TMEM117: variants seen among roughly 807,000 people sequenced by gnomAD.
TMEM117 encodes the protein transmembrane protein 117.
Under a neutral mutation model 52.4 loss-of-function variants are expected in TMEM117, and 27 were observed. The observed-to-expected ratio is 0.51, with a 90% CI of 0.38 to 0.71. The LOEUF (loss-of-function observed/expected upper bound fraction) is 0.71, where lower values mean the gene tolerates loss of function less well. Ranked by LOEUF, TMEM117 falls within the 30% of genes least tolerant of loss-of-function variation. The pLI, the probability that TMEM117 is intolerant of heterozygous loss-of-function variation, is 0.00. For synonymous variants in TMEM117, 215 were observed against 206.3 expected, an observed-to-expected ratio of 1.04 and a Z score of -0.36; for missense variants, 556 against 630.5, an observed-to-expected ratio of 0.88 and a Z score of 1.26.
In TMEM117 at chr12:44,216,906, A is replaced by G. The variant is rs142089440; in HGVS notation, c.608+5519A>G. 2.3e-3 allele frequency among the ~76,000 whole-genome samples: 356 copies of G among 152,186 alleles called. 12 individuals are homozygous for G. In the East Asian group the frequency reaches 0.035, roughly 15 times the overall value. ...TTAAAGTACTTTCTCTACCAGTGTAATGGTGTGGATGGGGTATCTCTTAAT... is the reference window on the plus strand; with the variant it reads ...TTAAAGTACTTTCTCTACCAGTGTAGTGGTGTGGATGGGGTATCTCTTAAT... On this transcript the variant is annotated intron_variant, in intron 5 of 7. Coordinates refer to ENST00000266534, the MANE Select transcript of TMEM117 (RefSeq NM_032256.3).
intron 2 of TMEM117, among the ~76,000 whole-genome samples, chr12:43,888,616 C>T (rs1433422932): frequency 7.2e-6 from 1 of 139,454 alleles, no homozygotes; most frequent in South Asian, 2.3e-4. Context: ...GGCATGATCT[C>T]GGCTCACTGC....
intron 2 of TMEM117, among the ~76,000 whole-genome samples, chr12:43,857,774 C>A (rs1943425717): frequency 1.3e-5 from 2 of 152,138 alleles, no homozygotes; most frequent in Admixed American, 1.3e-4. Flanking sequence ...CAACTAGAAT[C>A]ATTTCTTGAA....
At chr12:43,953,220 C>T (rs1202374966) in intron 3 of TMEM117, among the ~76,000 whole-genome samples, 1 of 152,050 alleles carries the variant, frequency 6.6e-6, no homozygotes, top group Non-Finnish European at 1.5e-5. Flanking sequence ...AGACCAATGA[C>T]ACTATGAAAC....
At position 43,912,507 on chromosome 12, in the gene TMEM117, T is replaced by TTTTATATATATATATATATATA. The variant is rs1209075111; in HGVS notation, c.278-31702_278-31701insTTATATATATATATATATATAT. On this transcript the variant is annotated intron_variant, in intron 2 of 7. Coordinates refer to ENST00000266534, the MANE Select transcript of TMEM117 (RefSeq NM_032256.3). The stretch of plus-strand genomic sequence containing the variant: ...AAACTTAAAGTATAATAATAATAAT[T>TTTTATATATATATATATATATA]TATATATATATATATATATATATAT... 6.8e-5 allele frequency among the ~76,000 whole-genome samples: 9 copies of TTTTATATATATATATATATATA among 132,096 alleles called. No homozygotes were observed. The East Asian group carries it at 1.2e-3, about 18-fold the overall frequency. 86.7% of individuals were successfully genotyped at this position (132,096 alleles called of 152,430 possible).
At chr12:43,908,963 C>T (rs1244349384) in intron 2 of TMEM117, among the ~76,000 whole-genome samples, 1 of 133,386 alleles carries the variant, frequency 7.5e-6, no homozygotes, top group African/African-American at 2.6e-5. Context: ...ACAAGGATAC[C>T]CAGGAATTGA....
intron 4 of TMEM117, among the ~76,000 whole-genome samples, chr12:44,188,836 C>A (rs148286710): frequency 1.0e-3 from 153 of 151,972 alleles, no homozygotes; most frequent in African/African-American, 3.6e-3. Context: ...TAAGTATTTT[C>A]TTCCCACTAG....
Position 43,958,094 on chromosome 12 carries a change from T to C in TMEM117, c.410+13752T>C, listed in dbSNP as rs1945337630. Among the ~76,000 whole-genome samples the C allele has an allele frequency of 3.3e-5, 5 of 152,358 alleles. No individual in the cohort carries two copies. In the South Asian group the frequency reaches 6.2e-4, roughly 19 times the overall value. On this transcript the variant is annotated intron_variant, in intron 3 of 7. Transcript: ENST00000266534. ...TTGAGGAAATACATAGTGAACTCTT[T>C]AATAAGCACTTGTTATTTTGTGATG...
rs56709250 is a variant in TMEM117 at position 44,226,501 on chromosome 12, A to ATGTGTGTGTG, written c.608+15128_608+15137dup. Among the ~76,000 whole-genome samples, 528 of 149,272 alleles carry ATGTGTGTGTG rather than the reference A, an allele frequency of 3.5e-3. 3 individuals carry two copies. Among genetic ancestry groups the ATGTGTGTGTG allele is most frequent in the Middle Eastern group, 0.014 (4 of 288 alleles). On this transcript the variant is annotated intron_variant, in intron 5 of 7. Transcript: ENST00000266534. ...ATAAACTATAAATATAAATATATAT[A>ATGTGTGTGTG]TGTGTGTGTGTGTGTGTGTGTGTAC...
intron 3 of TMEM117, among the ~76,000 whole-genome samples, chr12:44,101,683 G>A (rs1947863581): frequency 6.6e-6 from 1 of 151,854 alleles, no homozygotes; most frequent in Non-Finnish European, 1.5e-5. Flanking sequence ...TTCTTGCATG[G>A]CATGCAAACC....
At chr12:44,210,518 C>G (rs1949631609) in intron 4 of TMEM117, among the ~76,000 whole-genome samples, 1 of 151,944 alleles carries the variant, frequency 6.6e-6, no homozygotes, top group African/African-American at 2.4e-5. Context: ...ATAAAAATCC[C>G]TTTGACATTC....
intron 5 of TMEM117, among the ~76,000 whole-genome samples, chr12:44,264,957 G>A (rs1950359996): frequency 6.6e-6 from 1 of 152,114 alleles, no homozygotes; most frequent in African/African-American, 2.4e-5. Flanking sequence ...GACAGAGCTG[G>A]GATTAGAAAC....
At chr12:44,241,526 A>T (rs939301036) in intron 5 of TMEM117, among the ~76,000 whole-genome samples, 2 of 151,958 alleles carry the variant, frequency 1.3e-5, no homozygotes, top group African/African-American at 4.8e-5. Flanking sequence ...GATCAAATCT[A>T]TCAACCTTTC....
the TMEM117 span, chr12:43,800,344 C>T: frequency 1.2e-6 from 1 of 809,216 alleles, no homozygotes; most frequent in Non-Finnish European, 2.0e-6. Flanking sequence ...TCAGATTATC[C>T]ATCTGAATTC....
chr12:44,047,390 T>G (rs1264888212), intron 3 of TMEM117, among the ~76,000 whole-genome samples: 13 of 152,178 alleles, frequency 8.5e-5, no homozygotes, highest in Admixed American at 7.9e-4. Flanking sequence ...GTTTGCTTTG[T>G]CTAAAACTGT....
At chr12:43,888,282 A>G (rs879847267) in intron 2 of TMEM117, among the ~76,000 whole-genome samples, 1 of 152,228 alleles carries the variant, frequency 6.6e-6, no homozygotes, top group Non-Finnish European at 1.5e-5. Flanking sequence ...GGCTCAGTAA[A>G]GACTAATTTA....
At chr12:44,073,731 G>A (rs1947339457) in intron 3 of TMEM117, 1 of 152,210 alleles carries the variant, frequency 6.6e-6, no homozygotes, top group Non-Finnish European at 1.5e-5. Flanking sequence ...CGAAGATATG[G>A]TGTAGACAAA....
At chr12:44,155,595 C>G (rs923192307) in intron 4 of TMEM117, among the ~76,000 whole-genome samples, 1 of 152,040 alleles carries the variant, frequency 6.6e-6, no homozygotes, top group African/African-American at 2.4e-5. Flanking sequence ...ACCAGCATTG[C>G]AAATTCAAAT....
intron 3 of TMEM117, among the ~76,000 whole-genome samples, chr12:44,070,125 A>T (rs1947279750): frequency 6.6e-6 from 1 of 152,194 alleles, no homozygotes; most frequent in Admixed American, 6.5e-5. Flanking sequence ...TCCTGGACTC[A>T]AGTGATCCAC....
chr12:44,167,042 T>C (rs1948977087), intron 4 of TMEM117, among the ~76,000 whole-genome samples: 1 of 152,232 alleles, frequency 6.6e-6, no homozygotes, highest in African/African-American at 2.4e-5. Context: ...GTGGGATTAT[T>C]ACATCTTTTT....
Sources: gnomAD v4.1 joint callset for allele counts (sites outside exome capture counted in the v4.1 genomes callset) on GRCh38, gnomAD v4.1.1 for gene constraint, MANE v1.5 for transcripts, NCBI Gene and HGNC (gene_info 2026-07-23, HGNC 2026-07-21) for gene names.